ATXN1: variants seen among roughly 807,000 people sequenced by gnomAD.
ATXN1 encodes ataxin 1.
ATXN1 carries 8 observed loss-of-function variants against 56.4 expected under a neutral mutation model. The ratio of observed to expected loss-of-function variants is 0.14; its 90% CI spans 0.08 to 0.26. The LOEUF is 0.26. ATXN1 is among the 10% of genes least tolerant of loss of function. The pLI is 1.00. For synonymous variants in ATXN1, 514 were observed against 494.6 expected (o/e 1.04, Z -0.52); for missense variants, 987 against 1,106.5 (o/e 0.89, Z 1.53).
chr6:16,688,677 A>C (rs1240471941), intron 2 of ATXN1, among the ~76,000 whole-genome samples: 1 of 152,234 alleles, frequency 6.6e-6, no homozygotes, highest in African/African-American at 2.4e-5. Flanking sequence ...AATTTTGTGT[A>C]TGTCCCCTTT....
intron 7 of ATXN1, among the ~76,000 whole-genome samples, chr6:16,309,167 G>A (rs551413643): frequency 2.7e-5 from 4 of 150,854 alleles, no homozygotes; most frequent in Admixed American, 6.6e-5. Flanking sequence ...GTTAGAGGTT[G>A]CAGTGAGCTA....
intron 2 of ATXN1, among the ~76,000 whole-genome samples, chr6:16,702,169 G>A (rs1312829241): frequency 6.6e-6 from 1 of 152,110 alleles, no homozygotes; most frequent in Non-Finnish European, 1.5e-5. Flanking sequence ...AGAGCCCTCA[G>A]AAATAATGCC....
At chr6:16,660,042 C>T (rs1200939427) in intron 2 of ATXN1, among the ~76,000 whole-genome samples, 1 of 152,196 alleles carries the variant, frequency 6.6e-6, no homozygotes, top group Non-Finnish European at 1.5e-5. Flanking sequence ...TGATTTATCG[C>T]TGACCTTCAT....
At chr6:16,501,239 G>A (rs1348033227) in intron 5 of ATXN1, among the ~76,000 whole-genome samples, 1 of 152,326 alleles carries the variant, frequency 6.6e-6, no homozygotes. Context: ...AAGGAAAGGA[G>A]GGTTGTCATG....
At chr6:16,447,024 AT>A (rs1360666580) in intron 6 of ATXN1, among the ~76,000 whole-genome samples, 12 of 152,220 alleles carry the variant, frequency 7.9e-5, no homozygotes, top group African/African-American at 2.9e-4. Context: ...CACAAGCACT[AT>A]TTTCCAAAAA....
At chr6:16,691,456 T>G (rs1759045571) in intron 2 of ATXN1, among the ~76,000 whole-genome samples, 1 of 152,198 alleles carries the variant, frequency 6.6e-6, no homozygotes, top group African/African-American at 2.4e-5. Context: ...AAAACCACAT[T>G]AAAAGATTGA....
intron 4 of ATXN1, among the ~76,000 whole-genome samples, chr6:16,573,436 ACACCCTC>A (rs1277691451): frequency 6.6e-6 from 1 of 151,948 alleles, no homozygotes; most frequent in East Asian, 1.9e-4. Flanking sequence ...CATCCTCCCA[ACACCCTC>A]AAACGAATAG....
chr6:16,678,050 A>G (rs1758723506), intron 2 of ATXN1, among the ~76,000 whole-genome samples: 1 of 152,238 alleles, frequency 6.6e-6, no homozygotes, highest in Admixed American at 6.5e-5. Flanking sequence ...CCTCAGAGCT[A>G]TCTTTTCTTT....
chr6:16,454,044 C>T (rs891283847), intron 6 of ATXN1, among the ~76,000 whole-genome samples: 1 of 142,018 alleles, frequency 7.0e-6, no homozygotes, highest in African/African-American at 2.7e-5. Flanking sequence ...CTCAGACAAT[C>T]GCTTGAACCC....
At chr6:16,703,015 T>TAAAG (rs1254643424) in intron 2 of ATXN1, among the ~76,000 whole-genome samples, 1 of 151,982 alleles carries the variant, frequency 6.6e-6, no homozygotes, top group Non-Finnish European at 1.5e-5. Flanking sequence ...CATGCTGCTA[T>TAAAG]AAAGACACAT....
chr6:16,377,934 G>A (rs947648487), intron 6 of ATXN1, among the ~76,000 whole-genome samples: 2 of 152,210 alleles, frequency 1.3e-5, no homozygotes, highest in Admixed American at 6.5e-5. Flanking sequence ...ATAACAGCAC[G>A]TGTATGTAAT....
chr6:16,546,210 C>T (rs759389960), intron 4 of ATXN1, among the ~76,000 whole-genome samples: 3 of 152,166 alleles, frequency 2.0e-5, no homozygotes, highest in Non-Finnish European at 2.9e-5. Flanking sequence ...ACCAAATATC[C>T]ATTACTCAGC....
chr6:16,629,969 T>TA (rs1387446388), intron 3 of ATXN1, among the ~76,000 whole-genome samples: 1 of 152,132 alleles, frequency 6.6e-6, no homozygotes, highest in Non-Finnish European at 1.5e-5. Context: ...AGAGTCTGTA[T>TA]AACCTTCTTC....
chr6:16,512,535 A>T (rs191030567), intron 5 of ATXN1, among the ~76,000 whole-genome samples: 1 of 152,376 alleles, frequency 6.6e-6, no homozygotes, highest in Admixed American at 6.5e-5. Context: ...CCAAGTTCTA[A>T]GCATTTATAA....
intron 6 of ATXN1, among the ~76,000 whole-genome samples, chr6:16,446,412 G>A (rs17593451): frequency 0.25 from 38,318 of 152,162 alleles, 6,007 homozygotes; most frequent in Non-Finnish European, 0.34. Context: ...CTCAAATGTG[G>A]TTTCCCACAG....
rs1223068363 is a variant in ATXN1, at chr6:16,510,584, A to T, written c.-299+12043T>A. ...AACCCCATCTCTACCAAAAATACAA[A>T]AATTAGCTGGGCATGGTGGCACACA... On this transcript the variant is annotated intron_variant, in intron 5 of 7. Transcript: ENST00000436367. Among the ~76,000 whole-genome samples, 3 of 151,992 alleles carry T rather than the reference A, an allele frequency of 2.0e-5. No individual in the cohort carries two copies. The East Asian group carries it at 5.8e-4, about 29-fold the overall frequency.
intron 4 of ATXN1, among the ~76,000 whole-genome samples, chr6:16,547,039 A>G (rs1451888025): frequency 7.9e-5 from 12 of 152,254 alleles, no homozygotes; most frequent in Admixed American, 7.2e-4. Context: ...GGCAAGCCCA[A>G]GGAAAGTGGG....
chr6:16,571,605 C>T (rs963613015), intron 4 of ATXN1, among the ~76,000 whole-genome samples: 5 of 152,046 alleles, frequency 3.3e-5, no homozygotes, highest in African/African-American at 9.7e-5. Flanking sequence ...AATCCTCCCA[C>T]CTCAGCCTCC....
chr6:16,438,546 T>G (rs1418292964), intron 6 of ATXN1, among the ~76,000 whole-genome samples: 1 of 152,148 alleles, frequency 6.6e-6, no homozygotes, highest in African/African-American at 2.4e-5. Context: ...TTAATTAGTT[T>G]TAATTAGAAA....
Sources: gnomAD v4.1 joint callset for allele counts (sites outside exome capture counted in the v4.1 genomes callset) on GRCh38, gnomAD v4.1.1 for gene constraint, MANE v1.5 for transcripts, NCBI Gene and HGNC (gene_info 2026-07-23, HGNC 2026-07-21) for gene names.